MBOAT2: variants seen among roughly 807,000 people sequenced by gnomAD.
The protein encoded by MBOAT2 is membrane-bound glycerophospholipid O-acyltransferase 2.
In MBOAT2, 28 loss-of-function variants were observed where a neutral mutation model predicts 63.4. That is an observed-to-expected ratio of 0.44 (90% CI 0.33 to 0.61). The LOEUF is 0.61. Ranked by LOEUF, MBOAT2 falls within the 20% of genes least tolerant of loss-of-function variation. MBOAT2 has a pLI of 0.03. For synonymous variants in MBOAT2, 211 were observed against 215.6 expected, an observed-to-expected ratio of 0.98 and a Z score of 0.19; for missense variants, 470 against 605.8, an observed-to-expected ratio of 0.78 and a Z score of 2.35.
chr2:8,860,879 T>C (rs988966475), intron 11 of MBOAT2, 115 bp from the exon 12 acceptor site: 1 of 841,942 alleles, frequency 1.2e-6, no homozygotes, highest in South Asian at 1.8e-5. Flanking sequence ...GAAACTCTCC[T>C]AAGTTGCTAG....
intron 8 of MBOAT2, among the ~76,000 whole-genome samples, chr2:8,871,709 G>A (rs1243850589): frequency 2.6e-5 from 4 of 152,102 alleles, no homozygotes; most frequent in African/African-American, 7.2e-5. Flanking sequence ...TGATGCTATT[G>A]TGCACAGCTG....
At chr2:8,999,273 A>C (rs752440867) in intron 1 of MBOAT2, among the ~76,000 whole-genome samples, 50 of 152,194 alleles carry the variant, frequency 3.3e-4, no homozygotes, top group Middle Eastern at 3.2e-3. Flanking sequence ...GCCATCCTGG[A>C]TATCACATCA....
chr2:8,894,585 C>T (rs973464651), intron 4 of MBOAT2, among the ~76,000 whole-genome samples: 4 of 152,186 alleles, frequency 2.6e-5, no homozygotes, highest in African/African-American at 7.2e-5. Context: ...AGACTCTGAA[C>T]GTGAATAATA....
intron 3 of MBOAT2, among the ~76,000 whole-genome samples, chr2:8,936,767 A>T (rs571811570): frequency 6.7e-6 from 1 of 148,234 alleles, no homozygotes; most frequent in East Asian, 2.0e-4. Context: ...AGCCTGAGCT[A>T]CAGAGGGAGA....
In MBOAT2 at chr2:8,876,497, T is replaced by C. The variant is rs149169369; in HGVS notation, c.690+533A>G. On this transcript the variant is annotated intron_variant, in intron 7 of 12. Coordinates refer to ENST00000305997, the MANE Select transcript of MBOAT2 (RefSeq NM_138799.4). ...ATTATTAATATCTTTATCATATTACTAATCTCTTCATTGTGGGAATCAGGA... is the reference window on the plus strand; with the variant it reads ...ATTATTAATATCTTTATCATATTACCAATCTCTTCATTGTGGGAATCAGGA... Among the ~76,000 whole-genome samples, 190 of 152,354 alleles carry C rather than the reference T, an allele frequency of 1.2e-3. 1 individual carries two copies. Among genetic ancestry groups the C allele is most frequent in the Admixed American group, 2.3e-3 (35 of 15,308 alleles).
chr2:8,912,304 AAAG>A (rs1249388572), intron 3 of MBOAT2, among the ~76,000 whole-genome samples: 13 of 68,888 alleles, frequency 1.9e-4, no homozygotes, highest in African/African-American at 7.6e-4. Context: ...GAAAGAAAAG[AAAG>A]AAAGAAAGAA....
chr2:8,858,839 G>GT lies in MBOAT2; in HGVS notation c.1402dup (p.Thr468AsnfsTer9), dbSNP rs962806227. 1.9e-6 allele frequency: 3 copies of GT among 1,613,542 alleles called. No homozygotes were observed. Among genetic ancestry groups the GT allele is most frequent in the South Asian group, 1.1e-5 (1 of 91,068 alleles). ...TTCATGTGTATTCTTTCTTCTTTGA[G>GT]TTTTTTTCACTGGCAACAACAATAA... is the stretch of plus-strand genomic sequence containing the variant. On this transcript the variant is annotated frameshift_variant, in exon 13 of 13. Coordinates refer to ENST00000305997, the MANE Select transcript of MBOAT2 (RefSeq NM_138799.4). LOFTEE classifies it low-confidence loss of function (END_TRUNC).
chr2:8,938,948 T>C (rs1667860758), intron 3 of MBOAT2, among the ~76,000 whole-genome samples: 1 of 152,216 alleles, frequency 6.6e-6, no homozygotes, highest in Non-Finnish European at 1.5e-5. Flanking sequence ...CTGGGTTAGC[T>C]ATTTTTGTAA....
Position 8,989,534 on chromosome 2 carries a change from C to A in MBOAT2, c.75+14006G>T, listed in dbSNP as rs1202269480. ...ACGGAGCTGTATCATCCCAGGAGAGCTAGAAATGTTCAATCATGAGCCCAT... is the reference window on the plus strand; with the variant it reads ...ACGGAGCTGTATCATCCCAGGAGAGATAGAAATGTTCAATCATGAGCCCAT... On this transcript the variant is annotated intron_variant, in intron 1 of 12. Transcript: ENST00000305997. Among the ~76,000 whole-genome samples the A allele has an allele frequency of 2.0e-5, 3 of 152,132 alleles. No homozygotes were observed. The East Asian group carries it at 5.8e-4, about 29-fold the overall frequency.
chr2:8,867,268 T>C (rs13410901), intron 9 of MBOAT2, among the ~76,000 whole-genome samples: 20,810 of 152,138 alleles, frequency 0.14, 2,014 homozygotes, highest in African/African-American at 0.28. Flanking sequence ...CTGCCTGCCT[T>C]GGCCTACCAA....
chr2:9,003,587 T>C lies in MBOAT2; in HGVS notation c.28A>G (p.Thr10Ala), dbSNP rs1672873460. The change falls in exon 1 of 13, where the codon ACC (threonine) becomes GCC (alanine). Residue 10 changes from threonine (T) to alanine (A), a missense_variant. Physicochemically the swap from Thr to Ala is moderately conservative, Grantham distance 58. Coordinates refer to ENST00000305997, the MANE Select transcript of MBOAT2 (RefSeq NM_138799.4). This position sits in a 1 kb window ranked among gnomAD's most constrained non-coding sequence, Gnocchi z 5.4. MATTSTTGS[T>A]LLQPLSNAVQ... ...GCGTTGCTGAGGGGCTGCAGCAGGG[T>C]GGAGCCCGTGGTGCTGGTGGTGGCC... 2 of 1,222,618 alleles carry C rather than the reference T, an allele frequency of 1.6e-6. No individual in the cohort carries two copies. The highest frequency in any genetic ancestry group is 1.0e-6 in the Non-Finnish European group (1 of 976,030). 75.7% of individuals were successfully genotyped at this position (1,222,618 alleles called of 1,614,324 possible). A position where few individuals can be genotyped will look rare whatever the true frequency, so the allele number is the denominator to read the frequency against.
rs1374021246 is a variant in MBOAT2, at chr2:8,855,586, A to C, written c.*3093T>G. Reference sequence around the variant, plus strand: ...TGGTCACCAGACATTTTTGAAGCCAAATAAATCTTCTCTATCCTGCCGGAT... The same window carrying C: ...TGGTCACCAGACATTTTTGAAGCCACATAAATCTTCTCTATCCTGCCGGAT... On this transcript the variant is annotated 3_prime_UTR_variant, in exon 13 of 13. Transcript: ENST00000305997. 1 of 152,232 alleles carries C rather than the reference A, an allele frequency of 6.6e-6. No homozygotes were observed. The highest frequency in any genetic ancestry group is 1.5e-5 in the Non-Finnish European group (1 of 68,042). 9.4% of individuals were successfully genotyped at this position (152,232 alleles called of 1,614,324 possible). A position where few individuals can be genotyped will look rare whatever the true frequency, so the allele number is the denominator to read the frequency against.
At chr2:8,984,357 C>T (rs1278536433) in intron 1 of MBOAT2, among the ~76,000 whole-genome samples, 1 of 152,116 alleles carries the variant, frequency 6.6e-6, no homozygotes, top group Non-Finnish European at 1.5e-5. Flanking sequence ...GAGCTGTGTG[C>T]ACTTAAAGAT....
At chr2:8,962,476 G>T (rs2103285711) in intron 1 of MBOAT2, among the ~76,000 whole-genome samples, 1 of 152,290 alleles carries the variant, frequency 6.6e-6, no homozygotes, top group Non-Finnish European at 1.5e-5. Flanking sequence ...GATGTGTGTT[G>T]CTTCTCGGCC....
intron 3 of MBOAT2, among the ~76,000 whole-genome samples, chr2:8,932,246 G>A (rs1348438655): frequency 2.0e-5 from 3 of 152,150 alleles, no homozygotes; most frequent in African/African-American, 7.2e-5. Context: ...ATGTTTATTA[G>A]TATTTTAATA....
intron 9 of MBOAT2, among the ~76,000 whole-genome samples, chr2:8,865,887 A>G (rs1442847267): frequency 1.3e-5 from 2 of 152,054 alleles, no homozygotes; most frequent in Non-Finnish European, 2.9e-5. Flanking sequence ...AAATACAAAC[A>G]TTGGCCGGGC....
intron 7 of MBOAT2, 169 bp downstream of exon 7, chr2:8,876,861 G>A (rs926238241): frequency 1.2e-5 from 7 of 574,582 alleles, no homozygotes; most frequent in Non-Finnish European, 2.0e-5. Context: ...CCTTATTTGT[G>A]TTCTTAATCA....
Position 8,888,046 on chromosome 2 carries a change from G to A in MBOAT2, c.423C>T (p.Ile141=), listed in dbSNP as rs747509194. The A allele has an allele frequency of 5.0e-6, 8 of 1,613,202 alleles. No homozygotes were observed. In the Admixed American group the frequency reaches 1.3e-4, roughly 27 times the overall value. Residue 141 remains isoleucine (I), a synonymous_variant, in exon 5 of 13, where the codon ATC becomes ATT. Coordinates refer to ENST00000305997, the MANE Select transcript of MBOAT2 (RefSeq NM_138799.4). ...SGPMMIITQK[I]TSLACEIHDG... ...CATGAATTTCGCAAGCCAAACTAGT[G>A]ATCTTCTGAGTAATGATCATCATTG...
chr2:8,937,299 T>A (rs1208817674), intron 3 of MBOAT2, among the ~76,000 whole-genome samples: 1 of 152,182 alleles, frequency 6.6e-6, no homozygotes, highest in African/African-American at 2.4e-5. Context: ...TTGGACAAGG[T>A]GTGCTGTGAT....
Sources: gnomAD v4.1 joint callset for allele counts (sites outside exome capture counted in the v4.1 genomes callset) on GRCh38, gnomAD v4.1.1 for gene constraint, Gnocchi (gnomAD v3.1) non-coding constraint, MANE v1.5 for transcripts, NCBI Gene and HGNC (gene_info 2026-07-23, HGNC 2026-07-21) for gene names.